SULF2: variants seen among roughly 807,000 people sequenced by gnomAD.
SULF2 encodes the protein sulfatase 2.
In SULF2, 52 loss-of-function variants were observed where a neutral mutation model predicts 107.7. The ratio of observed to expected loss-of-function variants is 0.48; its 90% CI spans 0.39 to 0.61. The LOEUF (loss-of-function observed/expected upper bound fraction) is 0.61, where lower values mean the gene tolerates loss of function less well. Among genes scored for constraint, SULF2 ranks in the 20% least tolerant of loss-of-function variants. The pLI is 0.00. For synonymous variants in SULF2, 460 were observed against 464.3 expected (o/e 0.99, Z 0.12); for missense variants, 993 against 1,177.3 (o/e 0.84, Z 2.29).
chr20:47,679,446 G>C (rs1435642772), intron 7 of SULF2, among the ~76,000 whole-genome samples: 1 of 152,170 alleles, frequency 6.6e-6, no homozygotes, highest in African/African-American at 2.4e-5. Flanking sequence ...AAGGTGATGG[G>C]CTGTCACTCC....
chr20:47,722,828 G>A (rs2089331419), intron 3 of SULF2, among the ~76,000 whole-genome samples: 1 of 152,098 alleles, frequency 6.6e-6, no homozygotes. Context: ...CACTTTGGGA[G>A]GCTGAGGCAG....
In SULF2 at chr20:47,678,582, G is replaced by T; in HGVS notation, c.1193+94C>A. ...CTGAGAACCCCAGCTCCCGACCCTTGGAGACCCCACGTTCTAGACCCACAG... is the reference window on the plus strand; with the variant it reads ...CTGAGAACCCCAGCTCCCGACCCTTTGAGACCCCACGTTCTAGACCCACAG... On this transcript the variant is annotated intron_variant, in intron 8 of 20. Coordinates refer to ENST00000688720, the MANE Select transcript of SULF2 (RefSeq NM_001387048.1). The surrounding 1 kb of genome is among the most constrained non-coding windows in gnomAD (Gnocchi z 4.5). 1.3e-6 allele frequency: 2 copies of T among 1,519,120 alleles called. No homozygotes were observed. Among genetic ancestry groups the T allele is most frequent in the Non-Finnish European group, 8.9e-7 (1 of 1,118,214 alleles). The allele number at this position is 1,519,120 out of a possible 1,614,324, so 94.1% of individuals were successfully genotyped here.
chr20:47,677,027 G>T (rs1369424987), intron 9 of SULF2, 51 bp downstream of exon 9: 2 of 1,596,252 alleles, frequency 1.3e-6, no homozygotes, highest in Non-Finnish European at 1.7e-6. Context: ...AGCTTCCTGG[G>T]CAGAGGGAGG....
At chr20:47,677,043 G>GC (rs2087665126) in intron 9 of SULF2, 35 bp downstream of exon 9, 1 of 1,605,406 alleles carries the variant, frequency 6.2e-7, no homozygotes, top group Admixed American at 1.7e-5. Context: ...GGAGGGAGGT[G>GC]GGCAGGGGTG....
chr20:47,663,578 T>C lies in SULF2; in HGVS notation c.2102A>G (p.Gln701Arg), dbSNP rs1010220314. Residue 701 changes from glutamine to arginine, a missense_variant, in exon 16 of 21, where the codon CAG becomes CGG. By Grantham distance (43) the Gln-to-Arg change is conservative (BLOSUM62 1). Coordinates refer to ENST00000688720, the MANE Select transcript of SULF2 (RefSeq NM_001387048.1). ...CTTGCGGAGTTTCTTCTTGCGCTTC[T>C]GCTCCCGCAACAGCCACACCTTGTC... Reference protein sequence around the residue: ...EKDKVWLLREQKRKKKLRKLL... With the variant: ...EKDKVWLLRERKRKKKLRKLL... 19 of 1,609,568 alleles carry C rather than the reference T, an allele frequency of 1.2e-5. No homozygotes were observed. The highest frequency in any genetic ancestry group is 1.7e-5 in the Admixed American group (1 of 59,782).
At chr20:47,756,852 G>C (rs2090300997) in intron 2 of SULF2, among the ~76,000 whole-genome samples, 1 of 152,104 alleles carries the variant, frequency 6.6e-6, no homozygotes, top group African/African-American at 2.4e-5. Context: ...CACCACGTTG[G>C]CCAGGCTGGT....
chr20:47,724,838 C>A (rs572129321), intron 3 of SULF2, among the ~76,000 whole-genome samples: 15 of 152,166 alleles, frequency 9.9e-5, no homozygotes, highest in Admixed American at 9.8e-4. Context: ...CTGTTCTCAG[C>A]GCCATCAGAC....
chr20:47,683,251 A>AT, intron 6 of SULF2, 82 bp from the exon 7 acceptor site: 1 of 1,404,948 alleles, frequency 7.1e-7, no homozygotes, highest in Non-Finnish European at 9.6e-7. Context: ...GGCGCTTGAG[A>AT]TCTCAGGCCC....
chr20:47,744,679 CTG>C (rs1266796354), intron 2 of SULF2, among the ~76,000 whole-genome samples: 1 of 152,152 alleles, frequency 6.6e-6, no homozygotes, highest in African/African-American at 2.4e-5. Context: ...TGGGATAACA[CTG>C]TTATCCACTG....
At chr20:47,690,541 G>A (rs1164212272) in intron 4 of SULF2, among the ~76,000 whole-genome samples, 4 of 152,164 alleles carry the variant, frequency 2.6e-5, no homozygotes, top group African/African-American at 9.7e-5. Context: ...AGTGGATAGG[G>A]AGAACAGGGC....
chr20:47,670,489 A>G (rs2087426862), intron 11 of SULF2, among the ~76,000 whole-genome samples: 7 of 150,892 alleles, frequency 4.6e-5, no homozygotes, highest in Admixed American at 2.6e-4. Flanking sequence ...ACTGTGCCCG[A>G]TCAGGAAGGA....
chr20:47,764,070 C>G (rs963983475), intron 1 of SULF2, among the ~76,000 whole-genome samples: 3 of 152,234 alleles, frequency 2.0e-5, no homozygotes, highest in Non-Finnish European at 4.4e-5. Context: ...CACCCCAGGG[C>G]CCTTGAACTT....
intron 8 of SULF2, chr20:47,677,987 G>A (rs2087705401): frequency 6.6e-6 from 1 of 152,278 alleles, no homozygotes; most frequent in Non-Finnish European, 1.5e-5. Context: ...AGCACCTGGA[G>A]GCCAGGAACC....
At chr20:47,708,198 G>C (rs2088811326) in intron 3 of SULF2, among the ~76,000 whole-genome samples, 1 of 152,232 alleles carries the variant, frequency 6.6e-6, no homozygotes, top group Admixed American at 6.5e-5. Context: ...GAAAATAAAG[G>C]AGAATGATAG....
At position 47,690,299 on chromosome 20, in the gene SULF2, G is replaced by T. The variant is rs532791800; in HGVS notation, c.568-4C>A. ...TGATGAGGTCTGTGAGGTAATCCTG[G>T]GGGGTGGGGAGAGACAGGAGAACAG... On this transcript the variant is annotated splice_polypyrimidine_tract_variant and splice_region_variant and intron_variant, in intron 4 of 20. Coordinates refer to ENST00000688720, the MANE Select transcript of SULF2 (RefSeq NM_001387048.1). The T allele has an allele frequency of 1.4e-6, 2 of 1,470,984 alleles. No homozygotes were observed. The highest frequency in any genetic ancestry group is 2.2e-5 in the Admixed American group (1 of 45,878). The allele number at this position is 1,470,984 out of a possible 1,614,324, so 91.1% of individuals were successfully genotyped here. A position where few individuals can be genotyped will look rare whatever the true frequency, so the allele number is the denominator to read the frequency against.
chr20:47,678,539 T>C lies in SULF2; in HGVS notation c.1193+137A>G. On this transcript the variant is annotated intron_variant, in intron 8 of 20. Transcript: ENST00000688720. This position sits in a 1 kb window ranked among gnomAD's most constrained non-coding sequence, Gnocchi z 4.5. The stretch of plus-strand genomic sequence containing the variant: ...ATGCTTCTCTCCCACAGCAGGTAAG[T>C]GGTTGGCATGGCGGGACCTGAGAAC... 1 of 828,092 alleles carries C rather than the reference T, an allele frequency of 1.2e-6. No homozygotes were observed. The highest frequency in any genetic ancestry group is 1.8e-6 in the Non-Finnish European group (1 of 551,488). 51.3% of individuals were successfully genotyped at this position (828,092 alleles called of 1,614,324 possible). A position where few individuals can be genotyped will look rare whatever the true frequency, so the allele number is the denominator to read the frequency against.
At chr20:47,732,250 A>G (rs931892991) in intron 3 of SULF2, among the ~76,000 whole-genome samples, 1 of 152,152 alleles carries the variant, frequency 6.6e-6, no homozygotes, top group Non-Finnish European at 1.5e-5. Flanking sequence ...ACACTGTTCT[A>G]ATGTATTTAA....
intron 5 of SULF2, among the ~76,000 whole-genome samples, chr20:47,687,542 C>T (rs1417716329): frequency 6.6e-6 from 1 of 152,162 alleles, no homozygotes; most frequent in African/African-American, 2.4e-5. Flanking sequence ...CGCCCCAAAG[C>T]CCTTGAAGCC....
intron 2 of SULF2, among the ~76,000 whole-genome samples, chr20:47,749,129 T>C (rs1164748523): frequency 1.3e-5 from 2 of 151,992 alleles, no homozygotes; most frequent in Non-Finnish European, 2.9e-5. Flanking sequence ...ACTTTGCAGA[T>C]GGAAGCTACG....
Sources: allele counts gnomAD v4.1 joint callset (sites outside exome capture counted in the v4.1 genomes callset), GRCh38; gene constraint gnomAD v4.1.1; non-coding constraint Gnocchi (gnomAD v3.1); transcripts MANE v1.5; gene names NCBI Gene and HGNC (gene_info 2026-07-23, HGNC 2026-07-21).